Variants in RAI14 observed in about 807,000 individuals in gnomAD.
RAI14 encodes ankycorbin.
A neutral mutation model predicts 115.4 loss-of-function variants in RAI14; 45 were observed. The ratio of observed to expected loss-of-function variants is 0.39; its 90% CI spans 0.31 to 0.50. The LOEUF is 0.50. RAI14 is among the 20% of genes least tolerant of loss of function. The pLI is 0.85. For synonymous variants in RAI14, 371 were observed against 415.4 expected (o/e 0.89, Z 1.30); for missense variants, 939 against 1,131.2 (o/e 0.83, Z 2.44).
In RAI14 at chr5:34,811,807, G is replaced by T. The variant is rs772875501; in HGVS notation, c.598G>T (p.Ala200Ser). ...GGCCTGTGAGATTGGCAGCTCTAACGCTGTGGAAGCCTTAATTAAAAAGGG... is the reference window on the plus strand; with the variant it reads ...GGCCTGTGAGATTGGCAGCTCTAACTCTGTGGAAGCCTTAATTAAAAAGGG... Reference protein sequence around the residue: ...MLACEIGSSNAVEALIKKGAD... With the variant: ...MLACEIGSSNSVEALIKKGAD... Residue 200 changes from alanine (A) to serine (S), a missense_variant, in exon 9 of 18, where the codon GCT becomes TCT. Transcript: ENST00000265109. 4 of 1,613,026 alleles carry T rather than the reference G, an allele frequency of 2.5e-6. No homozygotes were observed.
intron 2 of RAI14, among the ~76,000 whole-genome samples, chr5:34,692,325 A>G (rs935796891): frequency 1.3e-5 from 2 of 151,746 alleles, no homozygotes; most frequent in Non-Finnish European, 1.5e-5. Context: ...AACTCTACCA[A>G]CGTATTTTTT....
At chr5:34,696,362 T>C (rs1739237683) in intron 2 of RAI14, among the ~76,000 whole-genome samples, 1 of 151,948 alleles carries the variant, frequency 6.6e-6, no homozygotes, top group African/African-American at 2.4e-5. Context: ...GGTCTCGATC[T>C]CCTGACCTCA....
chr5:34,702,894 C>T (rs537699444), intron 2 of RAI14, among the ~76,000 whole-genome samples: 69 of 152,100 alleles, frequency 4.5e-4, no homozygotes, highest in East Asian at 9.6e-4. Context: ...TCAGTAGAGA[C>T]GGGGTTTCTC....
At chr5:34,692,611 C>CT (rs572243576) in intron 2 of RAI14, among the ~76,000 whole-genome samples, 4,624 of 144,762 alleles carry the variant, frequency 0.032, 258 homozygotes, top group African/African-American at 0.11. Context: ...TAAGCTAAGC[C>CT]TTTTTTTTTT....
Position 34,803,746 on chromosome 5 carries a change from C to T in RAI14, c.291C>T (p.Ser97=). ...HSALHLAAKN[S]HHECIRKLLQ... is the part of the protein sequence containing the mutation. ...CCTTACATCTCGCAGCCAAGAACAG[C>T]CACCATGAATGCATCAGGAAGCTGC... The change falls in exon 5 of 18, where the codon AGC becomes AGT. Residue 97 remains serine (S), a synonymous_variant. Coordinates refer to ENST00000265109, the MANE Select transcript of RAI14 (RefSeq NM_015577.3). The T allele has an allele frequency of 1.2e-6, 2 of 1,612,276 alleles. No homozygotes were observed. Among genetic ancestry groups the T allele is most frequent in the Non-Finnish European group, 1.7e-6 (2 of 1,179,194 alleles).
intron 5 of RAI14, among the ~76,000 whole-genome samples, chr5:34,804,811 T>C (rs1754671144): frequency 2.0e-5 from 3 of 152,184 alleles, no homozygotes; most frequent in African/African-American, 7.2e-5. Context: ...GACCAGACAC[T>C]CTGGATAAGT....
intron 2 of RAI14, among the ~76,000 whole-genome samples, chr5:34,715,096 G>A (rs1440135707): frequency 2.0e-5 from 3 of 152,124 alleles, no homozygotes; most frequent in South Asian, 2.1e-4. Flanking sequence ...CACCCTCAAG[G>A]GGCAAGGGGA....
At chr5:34,773,506 C>A (rs774302603) in intron 3 of RAI14, among the ~76,000 whole-genome samples, 4 of 152,140 alleles carry the variant, frequency 2.6e-5, no homozygotes, top group Non-Finnish European at 5.9e-5. Flanking sequence ...GCAAACTATT[C>A]ATCAAGGAAC....
chr5:34,705,548 C>T (rs1579970545), intron 2 of RAI14, among the ~76,000 whole-genome samples: 1 of 152,162 alleles, frequency 6.6e-6, no homozygotes, highest in African/African-American at 2.4e-5. Flanking sequence ...TTACATACTG[C>T]TCTCTTAATT....
intron 3 of RAI14, among the ~76,000 whole-genome samples, chr5:34,762,931 G>A (rs1748854348): frequency 2.5e-4 from 2 of 8,152 alleles, no homozygotes; most frequent in Non-Finnish European, 4.9e-4. Flanking sequence ...GTGTGTGCAT[G>A]TGTGTGTGTG....
At chr5:34,748,485 C>T (rs1746578158) in intron 2 of RAI14, among the ~76,000 whole-genome samples, 1 of 152,290 alleles carries the variant, frequency 6.6e-6, no homozygotes, top group Admixed American at 6.5e-5. Flanking sequence ...TTTCTTCTCT[C>T]CTTTAATTTA....
intron 7 of RAI14, among the ~76,000 whole-genome samples, chr5:34,810,651 C>T (rs899290019): frequency 1.5e-4 from 23 of 152,106 alleles, no homozygotes; most frequent in African/African-American, 5.1e-4. Context: ...TGCGGAGACA[C>T]GCCCTTCCTT....
chr5:34,750,791 TC>T (rs1328865058), intron 2 of RAI14, among the ~76,000 whole-genome samples: 1 of 150,932 alleles, frequency 6.6e-6, no homozygotes, highest in Non-Finnish European at 1.5e-5. Context: ...TGCCACACCT[TC>T]ACCCCTAATC....
At chr5:34,783,616 C>A (rs972373801) in intron 3 of RAI14, among the ~76,000 whole-genome samples, 2 of 152,106 alleles carry the variant, frequency 1.3e-5, no homozygotes, top group Non-Finnish European at 2.9e-5. Context: ...TAGGCAGGCT[C>A]AAAAAATTTT....
intron 1 of RAI14, among the ~76,000 whole-genome samples, chr5:34,662,293 C>CT (rs754456399): frequency 6.6e-6 from 1 of 152,210 alleles, no homozygotes; most frequent in African/African-American, 2.4e-5. Flanking sequence ...TAGATATACT[C>CT]TAAGAATTGC....
chr5:34,709,281 C>T (rs1394026210), intron 2 of RAI14, among the ~76,000 whole-genome samples: 43 of 152,190 alleles, frequency 2.8e-4, no homozygotes, highest in Middle Eastern at 6.8e-3. Flanking sequence ...AACCCCGTCT[C>T]TACTAAAAAT....
intron 12 of RAI14, among the ~76,000 whole-genome samples, chr5:34,815,251 C>T (rs1291790437): frequency 1.3e-5 from 2 of 152,106 alleles, no homozygotes; most frequent in South Asian, 2.1e-4. Context: ...CATGATGGTG[C>T]GCACCTTTAA....
chr5:34,739,496 T>C (rs960947095), intron 2 of RAI14, among the ~76,000 whole-genome samples: 1 of 152,176 alleles, frequency 6.6e-6, no homozygotes, highest in Non-Finnish European at 1.5e-5. Flanking sequence ...TTCTCAGTAG[T>C]AGAGAGGTGT....
At position 34,685,406 on chromosome 5, in the gene RAI14, A is replaced by G. The variant is rs147149092; in HGVS notation, c.-48-1466A>G. Among the ~76,000 whole-genome samples, 430 of 152,290 alleles carry G rather than the reference A, an allele frequency of 2.8e-3. 2 individuals are homozygous for G. Among genetic ancestry groups the G allele is most frequent in the Middle Eastern group, 0.027 (8 of 294 alleles). On this transcript the variant is annotated intron_variant, in intron 1 of 17. Coordinates refer to ENST00000265109, the MANE Select transcript of RAI14 (RefSeq NM_015577.3). Reference sequence around the variant, plus strand: ...CTCACTTGTAAGTGGGAGCTAAGTTATAAGGATGCAAAAACATACAGAGTG... The same window carrying G: ...CTCACTTGTAAGTGGGAGCTAAGTTGTAAGGATGCAAAAACATACAGAGTG...
Sources: allele counts gnomAD v4.1 joint callset (sites outside exome capture counted in the v4.1 genomes callset), GRCh38; gene constraint gnomAD v4.1.1; transcripts MANE v1.5; gene names NCBI Gene and HGNC (gene_info 2026-07-23, HGNC 2026-07-21).